The following UBN2 variants were observed in gnomAD, a reference collection of about 807,000 sequenced individuals.
The protein encoded by UBN2 is ubinuclein 2.
Under a neutral mutation model 120.2 loss-of-function variants are expected in UBN2, and 35 were observed. The ratio of observed to expected loss-of-function variants is 0.29; its 90% CI spans 0.22 to 0.39. UBN2 has a LOEUF of 0.39. Ranked by LOEUF, UBN2 falls within the 10% of genes least tolerant of loss-of-function variation. The pLI is 1.00. For synonymous variants in UBN2, 661 were observed against 648.7 expected (o/e 1.02, Z -0.29); for missense variants, 1,693 against 1,663.2 (o/e 1.02, Z -0.31).
chr7:139,275,729 G>C (rs1797424728), intron 11 of UBN2, among the ~76,000 whole-genome samples: 1 of 152,152 alleles, frequency 6.6e-6, no homozygotes, highest in Non-Finnish European at 1.5e-5. Context: ...ACTTTAGGAG[G>C]CCAAGGGCCA....
intron 17 of UBN2, among the ~76,000 whole-genome samples, chr7:139,296,706 G>A (rs1798118562): frequency 6.6e-6 from 1 of 152,166 alleles, no homozygotes; most frequent in Non-Finnish European, 1.5e-5. Context: ...TTTTCTGCAA[G>A]CATTTAAACA....
chr7:139,243,130 T>C (rs1160971336), intron 2 of UBN2, among the ~76,000 whole-genome samples: 1 of 152,164 alleles, frequency 6.6e-6, no homozygotes, highest in Non-Finnish European at 1.5e-5. Flanking sequence ...TCCAGTTGAG[T>C]GTTACACTGT....
chr7:139,282,980 T>A (rs1424601749), intron 14 of UBN2, 44 bp from the exon 15 acceptor site: 1 of 1,390,152 alleles, frequency 7.2e-7, no homozygotes, highest in East Asian at 2.5e-5. Flanking sequence ...TTGTAATTTT[T>A]TATTCACCAT....
chr7:139,264,227 A>G lies in UBN2; in HGVS notation c.1396-2106A>G, dbSNP rs74925303. ...TTCCGTATTACTTTACTTATTCACT[A>G]CATGTTTGGCTTTTTAACTTCCTCT... On this transcript the variant is annotated intron_variant, in intron 6 of 17. Transcript: ENST00000473989. Among the ~76,000 whole-genome samples the G allele has an allele frequency of 5.2e-3, 789 of 152,300 alleles. 7 individuals are homozygous for G. Among genetic ancestry groups the G allele is most frequent in the African/African-American group, 0.017 (723 of 41,576 alleles).
intron 1 of UBN2, among the ~76,000 whole-genome samples, chr7:139,233,880 A>G (rs1291488123): frequency 6.6e-6 from 1 of 152,022 alleles, no homozygotes; most frequent in Non-Finnish European, 1.5e-5. Flanking sequence ...ATTCCATTTA[A>G]TTTTTCTGTA....
In UBN2 at chr7:139,283,331, T is replaced by C. The variant is rs766322162; in HGVS notation, c.2426T>C (p.Ile809Thr). ...PGLREEKLAS[I>T]MSKLPLATPK... ...CTGAGAGAAGAAAAATTAGCAAGTA[T>C]CATGAGTAAGCTGCCACTAGCTACT... The change falls in exon 15 of 18, where the codon ATC (isoleucine) becomes ACC (threonine). Residue 809 changes from isoleucine to threonine, a missense_variant. By Grantham distance (89) the Ile-to-Thr change is moderately conservative. Coordinates refer to ENST00000473989, the MANE Select transcript of UBN2 (RefSeq NM_173569.4). 1.9e-6 allele frequency: 3 copies of C among 1,613,774 alleles called. No homozygotes were observed. The African/African-American group carries it at 4.0e-5, about 22-fold the overall frequency.
Position 139,283,275 on chromosome 7 carries a change from A to G in UBN2, c.2370A>G (p.Ile790Met), listed in dbSNP as rs1191725455. 2 of 1,613,726 alleles carry G rather than the reference A, an allele frequency of 1.2e-6. No individual in the cohort carries two copies. Among genetic ancestry groups the G allele is most frequent in the Admixed American group, 3.3e-5 (2 of 59,934 alleles). ...GNKGPPVGSRISMPTTKPRPG... is the reference protein window; with the variant it reads ...GNKGPPVGSRMSMPTTKPRPG... ...AGGGCCCTCCAGTTGGCTCAAGGAT[A>G]AGCATGCCAACCACAAAGCCTCGTC... The change falls in exon 15 of 18, where the codon ATA becomes ATG. Residue 790 changes from isoleucine (I) to methionine (M), a missense_variant. Physicochemically the swap from Ile to Met is conservative, Grantham distance 10. Transcript: ENST00000473989.
chr7:139,266,568 G>A (rs974505719), intron 7 of UBN2, among the ~76,000 whole-genome samples, 165 bp downstream of exon 7: 1 of 152,108 alleles, frequency 6.6e-6, no homozygotes, highest in Non-Finnish European at 1.5e-5. Context: ...TTATCTTTCT[G>A]TATATATTGG....
chr7:139,292,621 A>T (rs1797993192), intron 15 of UBN2, among the ~76,000 whole-genome samples: 1 of 152,224 alleles, frequency 6.6e-6, no homozygotes, highest in Non-Finnish European at 1.5e-5. Context: ...GAGCTAGAAT[A>T]ACAGTGTGGT....
intron 15 of UBN2, among the ~76,000 whole-genome samples, chr7:139,291,240 A>G (rs574077042): frequency 8.6e-5 from 13 of 151,628 alleles, no homozygotes; most frequent in Non-Finnish European, 1.5e-4. Flanking sequence ...GCACACCTGT[A>G]GTCCCAGCTA....
At chr7:139,287,908 T>A (rs1356532455) in intron 15 of UBN2, among the ~76,000 whole-genome samples, 1 of 152,194 alleles carries the variant, frequency 6.6e-6, no homozygotes, top group Non-Finnish European at 1.5e-5. Context: ...CATCTGTGGG[T>A]GTCTGCTCAT....
rs1437197740 is a variant in UBN2, at chr7:139,297,914, T to C, written c.*78T>C. On this transcript the variant is annotated 3_prime_UTR_variant, in exon 18 of 18. Transcript: ENST00000473989. ...TGATGGGAAAGTACTTATGTGGTCA[T>C]AGGGCTGCTGTTTCTGTCGATGTTT... 5 of 1,475,970 alleles carry C rather than the reference T, an allele frequency of 3.4e-6. No individual in the cohort carries two copies. Among genetic ancestry groups the C allele is most frequent in the African/African-American group, 2.8e-5 (2 of 72,020 alleles). 91.4% of individuals were successfully genotyped at this position (1,475,970 alleles called of 1,614,324 possible). A position where few individuals can be genotyped will look rare whatever the true frequency, so the allele number is the denominator to read the frequency against.
chr7:139,240,272 T>A lies in UBN2; in HGVS notation c.561+3175T>A, dbSNP rs1326183548. Among the ~76,000 whole-genome samples, 4 of 150,770 alleles carry A rather than the reference T, an allele frequency of 2.7e-5. No homozygotes were observed. In the South Asian group the frequency reaches 8.4e-4, roughly 32 times the overall value. On this transcript the variant is annotated intron_variant, in intron 2 of 17. Transcript: ENST00000473989. ...GCCCAAGTGTTATATCTATGAGTAT[T>A]GTGTGTGTGTGTATATGTATATATA...
chr7:139,253,714 C>A lies in UBN2; in HGVS notation c.663+1657C>A, dbSNP rs185007518. On this transcript the variant is annotated intron_variant, in intron 3 of 17. Transcript: ENST00000473989. ...ATCACATAACAAATGAAAGACAAGT[C>A]ATGTTTTGCAGTAGAGAAGGTGTAT... 5.9e-5 allele frequency among the ~76,000 whole-genome samples: 9 copies of A among 152,318 alleles called. No individual in the cohort carries two copies. In the East Asian group the frequency reaches 1.7e-3, roughly 29 times the overall value.
At chr7:139,311,213 G>A (rs1284768069), downstream of UBN2, among the ~76,000 whole-genome samples, 3 of 152,202 alleles carry the variant, frequency 2.0e-5, no homozygotes, top group Non-Finnish European at 4.4e-5. Flanking sequence ...ACCTTTTAAA[G>A]GACAATGACA....
rs752916663 is a variant in UBN2, at chr7:139,293,331, C to T, written c.3769C>T (p.Leu1257=). 6.2e-7 allele frequency: 1 copy of T among 1,614,200 alleles called. No homozygotes were observed. Residue 1257 remains leucine, a synonymous_variant, in exon 16 of 18, where the codon CTG becomes TTG. Coordinates refer to ENST00000473989, the MANE Select transcript of UBN2 (RefSeq NM_173569.4). The stretch of plus-strand genomic sequence containing the variant: ...TCAAAATGTGACTCCTTTTGGGATG[C>T]TGGGTGGCCTTGTTCCAGTGACCAT... ...TNQNVTPFGM[L]GGLVPVTMPF...
chr7:139,292,697 G>A (rs1312095188), intron 15 of UBN2, among the ~76,000 whole-genome samples: 1 of 152,160 alleles, frequency 6.6e-6, no homozygotes, highest in Non-Finnish European at 1.5e-5. Flanking sequence ...TGCAGTACTA[G>A]ATATTTATAC....
In UBN2 at chr7:139,231,893, A is replaced by C. The variant is rs1796026783; in HGVS notation, c.409A>C (p.Thr137Pro). ...VRLELVLKDPTDESCVEFSYP... is the reference protein window; with the variant it reads ...VRLELVLKDPPDESCVEFSYP... The stretch of plus-strand genomic sequence containing the variant: ...CCTGGAGCTGGTGCTTAAGGACCCC[A>C]CCGACGAGAGCTGCGTGGAGTTCAG... The change falls in exon 1 of 18, where the codon ACC (threonine) becomes CCC (proline). Residue 137 changes from threonine (T) to proline (P), a missense_variant. Coordinates refer to ENST00000473989, the MANE Select transcript of UBN2 (RefSeq NM_173569.4). The C allele has an allele frequency of 6.3e-7, 1 of 1,586,752 alleles. No homozygotes were observed. The highest frequency in any genetic ancestry group is 1.4e-5 in the African/African-American group (1 of 72,128).
intron 9 of UBN2, among the ~76,000 whole-genome samples, chr7:139,273,055 A>AACACAAGTGTTTTCTG (rs1456280031): frequency 6.6e-6 from 1 of 152,220 alleles, no homozygotes; most frequent in African/African-American, 2.4e-5. Flanking sequence ...ACTGTGGTTG[A>AACACAAGTGTTTTCTG]ACACAAGTGT....
Sources: allele counts gnomAD v4.1 joint callset (sites outside exome capture counted in the v4.1 genomes callset), GRCh38; gene constraint gnomAD v4.1.1; transcripts MANE v1.5; gene names NCBI Gene and HGNC (gene_info 2026-07-23, HGNC 2026-07-21).